The following SLC44A1 variants were observed in gnomAD, a reference collection of about 807,000 sequenced individuals.
SLC44A1 encodes solute carrier family 44 member 1.
SLC44A1 carries 26 observed loss-of-function variants against 79.3 expected under a neutral mutation model. The observed-to-expected ratio is 0.33, with a 90% CI of 0.24 to 0.46. SLC44A1 has a LOEUF of 0.46. Ranked by LOEUF, SLC44A1 falls within the 20% of genes least tolerant of loss-of-function variation. SLC44A1 has a pLI of 1.00. For synonymous variants in SLC44A1, 263 were observed against 286.2 expected (o/e 0.92, Z 0.82); for missense variants, 688 against 798.1 (o/e 0.86, Z 1.66).
At chr9:105,415,861 T>C (rs1216228263) in intron 15 of SLC44A1, among the ~76,000 whole-genome samples, 1 of 151,776 alleles carries the variant, frequency 6.6e-6, no homozygotes, top group East Asian at 1.9e-4. Context: ...TGAAAAAAGA[T>C]CAACTTTTGG....
chr9:105,394,160 C>T lies in SLC44A1; in HGVS notation c.*5104C>T. On this transcript the variant is annotated 3_prime_UTR_variant, in exon 16 of 16. Coordinates refer to ENST00000374720, the MANE Select transcript of SLC44A1 (RefSeq NM_080546.5). ...TGTACCCCCTCAGGGGCTAATGAAC[C>T]CAAGTCAAAAGGCTGCTCTAAAGTT... The T allele has an allele frequency of 4.1e-6, 4 of 985,320 alleles. No homozygotes were observed. Among genetic ancestry groups the T allele is most frequent in the Non-Finnish European group, 4.8e-6 (4 of 829,922 alleles). The allele number at this position is 985,320 out of a possible 1,614,324, so 61.0% of individuals were successfully genotyped here.
Position 105,361,320 on chromosome 9 carries a change from C to T in SLC44A1, c.890C>T (p.Thr297Ile). The change falls in exon 8 of 16, where the codon ACA (threonine) becomes ATA (isoleucine). Residue 297 changes from threonine to isoleucine, a missense_variant. Coordinates refer to ENST00000374720, the MANE Select transcript of SLC44A1 (RefSeq NM_080546.5). ...RALLIYAISA[T>I]VFTVILFLIM... ...CTCCTCATTTATGCCATTTCAGCTACAGTGTTCACAGTGAGTTTAGGCTTT... is the reference window on the plus strand; with the variant it reads ...CTCCTCATTTATGCCATTTCAGCTATAGTGTTCACAGTGAGTTTAGGCTTT... 6.2e-7 allele frequency: 1 copy of T among 1,602,820 alleles called. No individual in the cohort carries two copies. The highest frequency in any genetic ancestry group is 8.5e-7 in the Non-Finnish European group (1 of 1,175,472).
intron 12 of SLC44A1, among the ~76,000 whole-genome samples, chr9:105,368,425 A>G (rs531187947): frequency 1.5e-3 from 225 of 152,270 alleles, no homozygotes; most frequent in African/African-American, 5.4e-3. Context: ...CTCATAGGAA[A>G]TGCCACACTT....
chr9:105,289,135 A>G (rs1409081029), intron 1 of SLC44A1, among the ~76,000 whole-genome samples: 2 of 152,226 alleles, frequency 1.3e-5, no homozygotes, highest in African/African-American at 4.8e-5. Context: ...GTCTGTTCTA[A>G]CATCATGCCA....
At chr9:105,350,887 G>A (rs928284486) in intron 5 of SLC44A1, among the ~76,000 whole-genome samples, 13 of 152,180 alleles carry the variant, frequency 8.5e-5, no homozygotes, top group Admixed American at 8.5e-4. Flanking sequence ...AGCAGCACCT[G>A]TTTTAGAGAA....
intron 1 of SLC44A1, 84 bp downstream of exon 1, chr9:105,244,988 T>G: frequency 2.4e-6 from 1 of 409,274 alleles, no homozygotes; most frequent in Non-Finnish European, 3.3e-6. Context: ...GCCCGATACC[T>G]CTCGCTGTCC....
At chr9:105,326,346 C>T (rs1826575397) in intron 3 of SLC44A1, among the ~76,000 whole-genome samples, 1 of 152,214 alleles carries the variant, frequency 6.6e-6, no homozygotes, top group Non-Finnish European at 1.5e-5. Context: ...ACTGGGATTA[C>T]AGACAAGAGC....
At chr9:105,410,511 A>C (rs1419634934) in intron 15 of SLC44A1, among the ~76,000 whole-genome samples, 2 of 152,232 alleles carry the variant, frequency 1.3e-5, no homozygotes, top group Non-Finnish European at 2.9e-5. Flanking sequence ...TCAAAACCAC[A>C]AGGAGATACC....
At chr9:105,398,824 G>T (rs1391751839), downstream of SLC44A1, among the ~76,000 whole-genome samples, 1 of 152,194 alleles carries the variant, frequency 6.6e-6, no homozygotes, top group African/African-American at 2.4e-5. Flanking sequence ...GTGAGTTTCT[G>T]CCTCTACCAG....
intron 1 of SLC44A1, among the ~76,000 whole-genome samples, chr9:105,276,565 CGTGTGTGTGTGTGTGTGTGTGTGT>C (rs60259632): frequency 2.0e-3 from 243 of 118,996 alleles, no homozygotes; most frequent in African/African-American, 6.7e-3. Flanking sequence ...GATGGGGAGC[CGTGTGTGTGTGTGTGTGTGTGTGT>C]GTGTGTGTGT....
intron 15 of SLC44A1, among the ~76,000 whole-genome samples, chr9:105,437,760 CAA>C (rs1245154559): frequency 6.6e-6 from 1 of 152,156 alleles, no homozygotes; most frequent in Non-Finnish European, 1.5e-5. Context: ...GTGAAAAATT[CAA>C]AGTTTCATTT....
In SLC44A1 at chr9:105,396,872, G is replaced by A. The variant is rs1828886963; in HGVS notation, c.*7816G>A. The A allele has an allele frequency of 7.1e-6, 7 of 985,098 alleles. No individual in the cohort carries two copies. The highest frequency in any genetic ancestry group is 8.4e-6 in the Non-Finnish European group (7 of 829,806). The allele number at this position is 985,098 out of a possible 1,614,324, so 61.0% of individuals were successfully genotyped here. ...AATCATTTACCTTACCATTATTTTG[G>A]ATTTTTTTCTTATTACAGTGTCACT... On this transcript the variant is annotated 3_prime_UTR_variant, in exon 16 of 16. Transcript: ENST00000374720.
intron 15 of SLC44A1, among the ~76,000 whole-genome samples, chr9:105,414,724 G>A (rs1037462537): frequency 3.9e-5 from 6 of 152,062 alleles, no homozygotes; most frequent in African/African-American, 1.4e-4. Flanking sequence ...TTGAGCCCAG[G>A]AGTTCTAGGC....
chr9:105,367,387 T>G (rs1827973889), intron 12 of SLC44A1, among the ~76,000 whole-genome samples: 2 of 152,178 alleles, frequency 1.3e-5, no homozygotes, highest in South Asian at 2.1e-4. Context: ...TGATGTTTCA[T>G]TAGCAAAATA....
chr9:105,373,703 T>C (rs1314193754), intron 12 of SLC44A1, among the ~76,000 whole-genome samples: 3 of 152,226 alleles, frequency 2.0e-5, no homozygotes, highest in Non-Finnish European at 4.4e-5. Flanking sequence ...CTGCTCTGAC[T>C]TCATGGTGTT....
At chr9:105,276,503 A>G (rs1346762879) in intron 1 of SLC44A1, among the ~76,000 whole-genome samples, 48 of 151,744 alleles carry the variant, frequency 3.2e-4, no homozygotes, top group Admixed American at 2.9e-3. Context: ...AATATACAGT[A>G]TAGCAGATGA....
At chr9:105,398,506 A>G (rs1475108521), downstream of SLC44A1, among the ~76,000 whole-genome samples, 1 of 151,102 alleles carries the variant, frequency 6.6e-6, no homozygotes, top group Non-Finnish European at 1.5e-5. Context: ...CCACCTAATG[A>G]TTAAAGAGCC....
At chr9:105,420,861 CAAAAAAA>C (rs34053627) in intron 15 of SLC44A1, among the ~76,000 whole-genome samples, 23 of 12,462 alleles carry the variant, frequency 1.8e-3, no homozygotes, top group African/African-American at 4.7e-3. Flanking sequence ...AACTCCATCT[CAAAAAAA>C]AAAAAAAAAA....
rs1396995331 is a variant in SLC44A1 at position 105,392,399 on chromosome 9, CTCTCTTTTTTTTTTTTT to C, written c.*3345_*3361del. 1.7e-5 allele frequency: 14 copies of C among 818,428 alleles called. No homozygotes were observed. Among genetic ancestry groups the C allele is most frequent in the African/African-American group, 2.4e-5 (1 of 42,206 alleles). 50.7% of individuals were successfully genotyped at this position (818,428 alleles called of 1,614,324 possible). ...TTTTGTAGAGATGCTCTCTCTCTCT[CTCTCTTTTTTTTTTTTT>C]TTTTTTTTTTTTTTCCGTGAGGGCA... is the stretch of plus-strand genomic sequence containing the variant. On this transcript the variant is annotated 3_prime_UTR_variant, in exon 16 of 16. Coordinates refer to ENST00000374720, the MANE Select transcript of SLC44A1 (RefSeq NM_080546.5).
Sources: gnomAD v4.1 joint callset for allele counts (sites outside exome capture counted in the v4.1 genomes callset) on GRCh38, gnomAD v4.1.1 for gene constraint, MANE v1.5 for transcripts, NCBI Gene and HGNC (gene_info 2026-07-23, HGNC 2026-07-21) for gene names.